The following CEACAM5 variants were observed in gnomAD, a reference collection of about 807,000 sequenced individuals.
CEACAM5 encodes the protein CEA cell adhesion molecule 5.
In CEACAM5, 52 loss-of-function variants were observed where a neutral mutation model predicts 63.0. The ratio of observed to expected loss-of-function variants is 0.83; its 90% CI spans 0.66 to 1.04. The LOEUF (loss-of-function observed/expected upper bound fraction) is 1.04, where lower values mean the gene tolerates loss of function less well. CEACAM5 is among the 50% of genes least tolerant of loss of function. The pLI is 0.00. For missense variants in CEACAM5, 790 were observed against 864.8 expected (o/e 0.91, Z 1.08); for synonymous variants, 357 against 351.3 (o/e 1.02, Z -0.18).
intron 2 of CEACAM5, among the ~76,000 whole-genome samples, chr19:41,714,706 C>T (rs965287556): frequency 2.0e-5 from 3 of 152,176 alleles, no homozygotes; most frequent in African/African-American, 7.2e-5. Context: ...GTGACCTCCC[C>T]CCCAGTCCTG....
chr19:41,717,568 G>T lies in CEACAM5; in HGVS notation c.1072G>T (p.Val358Leu). The stretch of plus-strand genomic sequence containing the variant: ...TCAGAACACAACCTACCTGTGGTGG[G>T]TAAATAATCAGAGCCTCCCGGTCAG... ...EIQNTTYLWW[V>L]NNQSLPVSPR... Residue 358 changes from valine to leucine, a missense_variant, in exon 5 of 10, where the codon GTA becomes TTA. Physicochemically the swap from Val to Leu is conservative, Grantham distance 32 (BLOSUM62 1). Coordinates refer to ENST00000221992, the MANE Select transcript of CEACAM5 (RefSeq NM_004363.6). The T allele has an allele frequency of 3.1e-6, 5 of 1,614,224 alleles. No homozygotes were observed. Among genetic ancestry groups the T allele is most frequent in the Middle Eastern group, 3.3e-4 (2 of 6,062 alleles).
rs537734302 is a variant in CEACAM5 at position 41,709,243 on chromosome 19, C to T, written c.65-437C>T. ...CACAAATCCCTGCCCTCATGAAGCT[C>T]ATGCTCTCATGGGGAGGAAGACAGA... On this transcript the variant is annotated intron_variant, in intron 1 of 9. Coordinates refer to ENST00000221992, the MANE Select transcript of CEACAM5 (RefSeq NM_004363.6). Among the ~76,000 whole-genome samples the T allele has an allele frequency of 3.3e-5, 5 of 152,284 alleles. No homozygotes were observed. In the South Asian group the frequency reaches 1.0e-3, roughly 32 times the overall value.
intron 9 of CEACAM5, 99 bp from the exon 10 acceptor site, chr19:41,729,085 C>T (rs567633583): frequency 6.6e-6 from 1 of 152,186 alleles, no homozygotes; most frequent in Non-Finnish European, 1.5e-5. Flanking sequence ...TGTCATATGC[C>T]ACAGAAGTAA....
At chr19:41,712,406 T>A (rs1555814223) in intron 2 of CEACAM5, among the ~76,000 whole-genome samples, 1 of 152,258 alleles carries the variant, frequency 6.6e-6, no homozygotes, top group African/African-American at 2.4e-5. Context: ...AAACTCTAGT[T>A]GTGTTTTCTG....
rs1039737376 is a variant in CEACAM5 at position 41,718,576 on chromosome 19, A to C, written c.1492+194A>C. 3.9e-5 allele frequency among the ~76,000 whole-genome samples: 6 copies of C among 152,276 alleles called. No individual in the cohort carries two copies. In the East Asian group the frequency reaches 1.2e-3, roughly 29 times the overall value. On this transcript the variant is annotated intron_variant, in intron 6 of 9. Transcript: ENST00000221992. ...TTGTTTTTCTGATTTCTCATGGCTG[A>C]CCTTGTGTCCACCCTGAGAAATGTG...
chr19:41,725,363 T>A lies in CEACAM5; in HGVS notation c.2027-1871T>A, dbSNP rs539628616. 2.1e-4 allele frequency among the ~76,000 whole-genome samples: 32 copies of A among 152,046 alleles called. No individual in the cohort carries two copies. In the East Asian group the frequency reaches 5.8e-3, roughly 27 times the overall value. ...GTAGCAATATCTCCATTTTCTTTTT[T>A]TTTTTCTTTTTTTTTTTTAAGAGAC... On this transcript the variant is annotated intron_variant, in intron 8 of 9. Coordinates refer to ENST00000221992, the MANE Select transcript of CEACAM5 (RefSeq NM_004363.6).
chr19:41,715,658 G>A lies in CEACAM5; in HGVS notation c.712G>A (p.Asp238Asn). ...SVILNVLYGPDAPTISPLNTS... is the reference protein window; with the variant it reads ...SVILNVLYGPNAPTISPLNTS... ...TATTTTGTTTGCTCCAGATGGCCCG[G>A]ATGCCCCCACCATTTCCCCTCTAAA... The change falls in exon 4 of 10, where the codon GAT becomes AAT. Residue 238 changes from aspartate (D) to asparagine (N), a missense_variant. Asp to Asn is a conservative substitution (Grantham distance 23, BLOSUM62 1). Transcript: ENST00000221992. 1 of 1,614,142 alleles carries A rather than the reference G, an allele frequency of 6.2e-7. No homozygotes were observed. The highest frequency in any genetic ancestry group is 8.5e-7 in the Non-Finnish European group (1 of 1,180,030).
chr19:41,714,847 C>A, intron 2 of CEACAM5, 124 bp from the exon 3 acceptor site: 1 of 1,530,724 alleles, frequency 6.5e-7, no homozygotes, highest in Non-Finnish European at 8.8e-7. Flanking sequence ...GACACATGCA[C>A]CCACCGTGGG....
At position 41,718,189 on chromosome 19, in the gene CEACAM5, C is replaced by G. The variant is rs2072559248; in HGVS notation, c.1299C>G (p.Leu433=). The G allele has an allele frequency of 3.1e-6, 5 of 1,614,234 alleles. No individual in the cohort carries two copies. Among genetic ancestry groups the G allele is most frequent in the South Asian group, 2.2e-5 (2 of 91,076 alleles). Residue 433 remains leucine, a synonymous_variant, in exon 6 of 10, where the codon CTC becomes CTG. Coordinates refer to ENST00000221992, the MANE Select transcript of CEACAM5 (RefSeq NM_004363.6). The part of the protein sequence containing the change: ...SYTYYRPGVN[L]SLSCHAASNP... The stretch of plus-strand genomic sequence containing the variant: ...CCTATTACCGTCCAGGGGTGAACCT[C>G]AGCCTCTCCTGCCATGCAGCCTCTA...
intron 6 of CEACAM5, 117 bp from the exon 7 acceptor site, chr19:41,719,813 T>G (rs781864745): frequency 4.7e-5 from 72 of 1,544,152 alleles, no homozygotes; most frequent in Non-Finnish European, 5.7e-5. Context: ...ACACCTGCCA[T>G]GGGCTTTTAA....
Position 41,717,449 on chromosome 19 carries a change from G to A in CEACAM5, c.959-6G>A. The A allele has an allele frequency of 6.2e-7, 1 of 1,611,044 alleles. No homozygotes were observed. The highest frequency in any genetic ancestry group is 1.1e-5 in the South Asian group (1 of 90,546). ...CAGGGCAATCTTCTCTCTGTTATCT[G>A]CACAGCAGAGCCACCCAAACCCTTC... is the stretch of plus-strand genomic sequence containing the variant. On this transcript the variant is annotated splice_polypyrimidine_tract_variant and splice_region_variant and intron_variant, in intron 4 of 9. Transcript: ENST00000221992.
intron 9 of CEACAM5, 33 bp downstream of exon 9, chr19:41,727,385 T>G: frequency 9.2e-7 from 1 of 1,088,992 alleles, no homozygotes. Flanking sequence ...TTGTTCTGTT[T>G]CCTGCAGTGC....
intron 2 of CEACAM5, among the ~76,000 whole-genome samples, chr19:41,711,387 G>A (rs1282916183): frequency 2.6e-5 from 4 of 152,194 alleles, no homozygotes; most frequent in African/African-American, 9.7e-5. Flanking sequence ...GGCCCAAAGT[G>A]AGACACACGC....
At chr19:41,715,606 T>C in intron 3 of CEACAM5, 44 bp from the exon 4 acceptor site, 1 of 1,609,952 alleles carries the variant, frequency 6.2e-7, no homozygotes, top group Non-Finnish European at 8.5e-7. Flanking sequence ...AACTTCCACT[T>C]CCCTCTGACA....
chr19:41,727,133 G>A, intron 8 of CEACAM5, 101 bp from the exon 9 acceptor site: 1 of 884,046 alleles, frequency 1.1e-6, no homozygotes, highest in Non-Finnish European at 1.9e-6. Context: ...GAAGCAACAA[G>A]TAGAGACTGC....
intron 2 of CEACAM5, among the ~76,000 whole-genome samples, chr19:41,712,379 C>T (rs1419190889): frequency 2.6e-5 from 4 of 152,208 alleles, no homozygotes; most frequent in Admixed American, 2.6e-4. Flanking sequence ...TTAGACTCTA[C>T]CCAGTTACAA....
intron 1 of CEACAM5, 152 bp from the exon 2 acceptor site, chr19:41,709,528 A>C (rs1555813492): frequency 8.8e-7 from 1 of 1,137,184 alleles, no homozygotes; most frequent in Non-Finnish European, 1.2e-6. Flanking sequence ...GCTGACCTTG[A>C]CCTAGTAGGA....
At chr19:41,714,748 T>C (rs1424624074) in intron 2 of CEACAM5, among the ~76,000 whole-genome samples, 2 of 152,198 alleles carry the variant, frequency 1.3e-5, no homozygotes, top group Non-Finnish European at 2.9e-5. Context: ...TGCTGCTTAA[T>C]TCACACTTGA....
At chr19:41,712,747 T>A (rs2072455236) in intron 2 of CEACAM5, among the ~76,000 whole-genome samples, 1 of 152,204 alleles carries the variant, frequency 6.6e-6, no homozygotes, top group Admixed American at 6.5e-5. Flanking sequence ...AGCATAATAT[T>A]AAAAGAAGTA....
Sources: allele counts gnomAD v4.1 joint callset (sites outside exome capture counted in the v4.1 genomes callset), GRCh38; gene constraint gnomAD v4.1.1; transcripts MANE v1.5; gene names NCBI Gene and HGNC (gene_info 2026-07-23, HGNC 2026-07-21).